TTC7B: variants seen among roughly 807,000 people sequenced by gnomAD.
The protein encoded by TTC7B is tetratricopeptide repeat protein 7B.
In TTC7B, 28 loss-of-function variants were observed where a neutral mutation model predicts 106.8. The observed-to-expected ratio is 0.26, with a 90% CI of 0.19 to 0.36. The LOEUF is 0.36. TTC7B is among the 10% of genes least tolerant of loss of function. The pLI, the probability that TTC7B is intolerant of heterozygous loss-of-function variation, is 1.00. For synonymous variants in TTC7B, 405 were observed against 430.6 expected (o/e 0.94, Z 0.74); for missense variants, 862 against 1,076.4 (o/e 0.80, Z 2.79).
At chr14:90,565,902 G>A (rs1443971778) in intron 19 of TTC7B, among the ~76,000 whole-genome samples, 1 of 152,160 alleles carries the variant, frequency 6.6e-6, no homozygotes, top group African/African-American at 2.4e-5. Context: ...TAAGTTTGCT[G>A]TCTTATATGG....
chr14:90,695,730 A>C (rs1887720069), intron 5 of TTC7B, 152 bp from the exon 6 acceptor site: 1 of 394,816 alleles, frequency 2.5e-6, no homozygotes, highest in African/African-American at 2.1e-5. Context: ...ATCTTTGGTT[A>C]AATGAAACAT....
At chr14:90,733,461 G>A (rs982308004) in intron 4 of TTC7B, among the ~76,000 whole-genome samples, 6 of 152,186 alleles carry the variant, frequency 3.9e-5, no homozygotes, top group African/African-American at 7.2e-5. Flanking sequence ...TGGGAAAGAC[G>A]CAAGAGAAGC....
At chr14:90,718,501 C>T (rs144770771) in intron 5 of TTC7B, among the ~76,000 whole-genome samples, 81 of 152,266 alleles carry the variant, frequency 5.3e-4, no homozygotes, top group African/African-American at 1.9e-3. Flanking sequence ...TGGCACTCAC[C>T]ATTCTCCTTT....
At chr14:90,642,263 C>T (rs1476370676) in intron 15 of TTC7B, among the ~76,000 whole-genome samples, 1 of 152,056 alleles carries the variant, frequency 6.6e-6, no homozygotes, top group African/African-American at 2.4e-5. Context: ...TGGATTATAA[C>T]AAGAATTCTC....
chr14:90,685,242 G>A (rs1292812131), intron 7 of TTC7B, among the ~76,000 whole-genome samples: 1 of 152,176 alleles, frequency 6.6e-6, no homozygotes, highest in Admixed American at 6.5e-5. Flanking sequence ...TGGAGAAGGA[G>A]ACTGTTAGCC....
rs1437964438 is a variant in TTC7B, at chr14:90,577,889, GGCT to G, written c.2310+214_2310+216del. Reference sequence around the variant, plus strand: ...CAGCACCTAACAGGATGTCGGGTAGGGCTGCTGAGGCTATACACAGCCAACTCT... The same window carrying G: ...CAGCACCTAACAGGATGTCGGGTAGGGCTGAGGCTATACACAGCCAACTCT... On this transcript the variant is annotated intron_variant, in intron 19 of 19. Coordinates refer to ENST00000328459, the MANE Select transcript of TTC7B (RefSeq NM_001010854.2). This position sits in a 1 kb window ranked among gnomAD's most constrained non-coding sequence, Gnocchi z 5.0. 6.6e-6 allele frequency among the ~76,000 whole-genome samples: 1 copy of G among 152,340 alleles called. No homozygotes were observed. The highest frequency in any genetic ancestry group is 1.9e-4 in the East Asian group (1 of 5,178).
chr14:90,564,726 T>C (rs947849428), intron 19 of TTC7B, among the ~76,000 whole-genome samples: 16 of 152,052 alleles, frequency 1.1e-4, no homozygotes, highest in African/African-American at 3.9e-4. Flanking sequence ...ATGGGAAACA[T>C]AGTGAGATCC....
At chr14:90,774,871 CT>C (rs1448555503) in intron 3 of TTC7B, among the ~76,000 whole-genome samples, 1 of 152,142 alleles carries the variant, frequency 6.6e-6, no homozygotes, top group Non-Finnish European at 1.5e-5. Context: ...GAAACCCTGT[CT>C]CTACTAAGAA....
intron 7 of TTC7B, among the ~76,000 whole-genome samples, chr14:90,689,236 G>C (rs1157642607): frequency 6.6e-6 from 1 of 152,172 alleles, no homozygotes; most frequent in African/African-American, 2.4e-5. Flanking sequence ...TCTGATTGCT[G>C]TCTGATGCTG....
intron 19 of TTC7B, chr14:90,567,505 C>G (rs1286495): frequency 0.067 from 10,176 of 152,232 alleles, 405 homozygotes; most frequent in East Asian, 0.22. Context: ...AGAAACTCCC[C>G]CCGTCCATCA....
chr14:90,639,649 C>A (rs139919216), intron 15 of TTC7B, among the ~76,000 whole-genome samples: 1 of 152,168 alleles, frequency 6.6e-6, no homozygotes, highest in African/African-American at 2.4e-5. Flanking sequence ...GTTGAAGATA[C>A]ACAAATCCTA....
chr14:90,671,363 G>A (rs981341064), intron 9 of TTC7B, among the ~76,000 whole-genome samples: 4 of 152,200 alleles, frequency 2.6e-5, no homozygotes, highest in Non-Finnish European at 5.9e-5. Context: ...CAACAGGAAA[G>A]ATAAAAATAC....
chr14:90,589,965 A>G (rs1891887424), intron 18 of TTC7B, among the ~76,000 whole-genome samples: 1 of 152,208 alleles, frequency 6.6e-6, no homozygotes, highest in Non-Finnish European at 1.5e-5. Flanking sequence ...AAGTCACCTT[A>G]CAGGTGCTGA....
intron 1 of TTC7B, among the ~76,000 whole-genome samples, chr14:90,803,100 A>G (rs572998828): frequency 6.5e-4 from 99 of 151,632 alleles, no homozygotes; most frequent in Non-Finnish European, 2.7e-4. Context: ...CTGAGATCAC[A>G]CCACTGCACT....
intron 15 of TTC7B, among the ~76,000 whole-genome samples, chr14:90,640,042 G>A (rs1241823710): frequency 6.6e-6 from 1 of 152,222 alleles, no homozygotes; most frequent in East Asian, 1.9e-4. Flanking sequence ...ACTTTGGGAG[G>A]CCGAGGCGCA....
chr14:90,688,966 C>G (rs141841450), intron 7 of TTC7B, among the ~76,000 whole-genome samples: 152 of 152,214 alleles, frequency 1.0e-3, no homozygotes, highest in African/African-American at 3.5e-3. Flanking sequence ...CTGGGGAAGG[C>G]TCATGCTAAG....
At chr14:90,629,337 A>AT (rs1358712711) in intron 15 of TTC7B, among the ~76,000 whole-genome samples, 6 of 151,392 alleles carry the variant, frequency 4.0e-5, no homozygotes, top group Admixed American at 6.6e-5. Context: ...GGAATATCTG[A>AT]TTTTTTTTCA....
Position 90,570,845 on chromosome 14 carries a change from T to C in TTC7B, c.2310+7261A>G, listed in dbSNP as rs1171800392. ...CACCGGGCACTGTTATTACTCCCATTTCACTGTCGAGAAAAATGGAAGCAC... is the reference window on the plus strand; with the variant it reads ...CACCGGGCACTGTTATTACTCCCATCTCACTGTCGAGAAAAATGGAAGCAC... On this transcript the variant is annotated intron_variant, in intron 19 of 19. Coordinates refer to ENST00000328459, the MANE Select transcript of TTC7B (RefSeq NM_001010854.2). The surrounding 1 kb of genome is among the most constrained non-coding windows in gnomAD (Gnocchi z 4.0). 6.6e-6 allele frequency among the ~76,000 whole-genome samples: 1 copy of C among 152,034 alleles called. No individual in the cohort carries two copies. Among genetic ancestry groups the C allele is most frequent in the Non-Finnish European group, 1.5e-5 (1 of 68,016 alleles).
At position 90,593,570 on chromosome 14, in the gene TTC7B, C is replaced by A; in HGVS notation, c.2023G>T (p.Val675Leu). Residue 675 changes from valine to leucine, a missense_variant, in exon 18 of 20, where the codon GTG becomes TTG. Coordinates refer to ENST00000328459, the MANE Select transcript of TTC7B (RefSeq NM_001010854.2). ...ASRVEQALSE[V>L]ASSLQSSAPK... ...GCACTGCTCTGCAGAGACGAAGCCA[C>A]TTCCGACAGTGCCTGCTCCACTCTT... 1 of 1,612,726 alleles carries A rather than the reference C, an allele frequency of 6.2e-7. No homozygotes were observed. The highest frequency in any genetic ancestry group is 8.5e-7 in the Non-Finnish European group (1 of 1,179,244).
Sources: gnomAD v4.1 joint callset for allele counts (sites outside exome capture counted in the v4.1 genomes callset) on GRCh38, gnomAD v4.1.1 for gene constraint, Gnocchi (gnomAD v3.1) non-coding constraint, MANE v1.5 for transcripts, NCBI Gene and HGNC (gene_info 2026-07-23, HGNC 2026-07-21) for gene names.